Variants in RNF17 observed in about 807,000 individuals in gnomAD.
RNF17 encodes spermatogenesis associated 23.
A neutral mutation model predicts 200.5 loss-of-function variants in RNF17; 31 were observed. That is an observed-to-expected ratio of 0.15 (90% CI 0.12 to 0.21). The LOEUF is 0.21. Ranked by LOEUF, RNF17 falls within the 10% of genes least tolerant of loss-of-function variation. RNF17 has a pLI of 1.00. For synonymous variants in RNF17, 606 were observed against 637.8 expected (o/e 0.95, Z 0.75); for missense variants, 1,628 against 1,905.1 (o/e 0.85, Z 2.71).
At chr13:24,833,500 T>A (rs1333371435) in intron 18 of RNF17, among the ~76,000 whole-genome samples, 1 of 152,348 alleles carries the variant, frequency 6.6e-6, no homozygotes, top group Middle Eastern at 3.4e-3. Context: ...CCTGTATAAC[T>A]GTTTTCCAGC....
chr13:24,766,621 G>A (rs1457167634), intron 1 of RNF17, among the ~76,000 whole-genome samples: 1 of 152,176 alleles, frequency 6.6e-6, no homozygotes, highest in African/African-American at 2.4e-5. Flanking sequence ...GAAATATAAA[G>A]TAGTAGAGGG....
chr13:24,858,444 G>A (rs1260384871), intron 25 of RNF17, among the ~76,000 whole-genome samples: 1 of 152,066 alleles, frequency 6.6e-6, no homozygotes, highest in East Asian at 1.9e-4. Flanking sequence ...ACCCAGAATA[G>A]GTGGTGGTAT....
chr13:24,809,157 CA>C (rs1162059311), intron 15 of RNF17, among the ~76,000 whole-genome samples: 1 of 150,130 alleles, frequency 6.7e-6, no homozygotes, highest in East Asian at 2.0e-4. Flanking sequence ...ATGCTGGCCT[CA>C]TAAAATGAGT....
chr13:24,828,527 A>C (rs532557473), intron 16 of RNF17, among the ~76,000 whole-genome samples: 56 of 151,480 alleles, frequency 3.7e-4, no homozygotes, highest in Non-Finnish European at 7.1e-4. Flanking sequence ...TTCAGTTGAC[A>C]CTTCAGTTTT....
At chr13:24,800,732 A>T (rs907576153) in intron 13 of RNF17, among the ~76,000 whole-genome samples, 198 bp downstream of exon 13, 1 of 152,206 alleles carries the variant, frequency 6.6e-6, no homozygotes, top group Non-Finnish European at 1.5e-5. Flanking sequence ...TGGGAAATGG[A>T]GTTGAATAAG....
chr13:24,879,286 G>A lies in RNF17; in HGVS notation c.*1G>A, dbSNP rs1403590702. The A allele has an allele frequency of 1.9e-6, 3 of 1,585,918 alleles. No homozygotes were observed. Among genetic ancestry groups the A allele is most frequent in the East Asian group, 4.5e-5 (2 of 44,738 alleles). ...GGGGCTTGCAGATAAAGATGAATAAGTGCCTAAGTGTAAGTTCTCATTCTC... is the reference window on the plus strand; with the variant it reads ...GGGGCTTGCAGATAAAGATGAATAAATGCCTAAGTGTAAGTTCTCATTCTC... On this transcript the variant is annotated 3_prime_UTR_variant, in exon 35 of 36. Transcript: ENST00000255324.
rs942637439 is a variant in RNF17 at position 24,853,886 on chromosome 13, T to C, written c.3352T>C (p.Ser1118Pro). 4 of 1,611,806 alleles carry C rather than the reference T, an allele frequency of 2.5e-6. No individual in the cohort carries two copies. The highest frequency in any genetic ancestry group is 3.4e-6 in the Non-Finnish European group (4 of 1,179,026). ...TAACTTAGATAACAGCCATTCATTA[T>C]CTGAGAAGTCTCTGGAAGTCCCCCT... is the stretch of plus-strand genomic sequence containing the variant. The part of the protein sequence containing the change: ...INNLDNSHSL[S>P]EKSLEVPLEQ... The change falls in exon 25 of 36, where the codon TCT becomes CCT. Residue 1118 changes from serine to proline, a missense_variant. This residue lies in a region of RNF17 where 609 missense variants were observed against 681.9 expected (regional missense o/e 0.89). Coordinates refer to ENST00000255324, the MANE Select transcript of RNF17 (RefSeq NM_031277.3).
intron 15 of RNF17, 51 bp from the exon 16 acceptor site, chr13:24,825,568 T>TAA: frequency 1.6e-6 from 2 of 1,263,354 alleles, no homozygotes; most frequent in Non-Finnish European, 2.2e-6. Context: ...ATTCAACACT[T>TAA]ACATTTTAAG....
intron 20 of RNF17, among the ~76,000 whole-genome samples, chr13:24,844,183 A>G (rs1013983133): frequency 4.6e-5 from 7 of 152,172 alleles, no homozygotes; most frequent in African/African-American, 1.7e-4. Context: ...CCTATTGAGC[A>G]CCTACTATAT....
intron 15 of RNF17, among the ~76,000 whole-genome samples, chr13:24,807,219 G>A (rs964462554): frequency 2.0e-5 from 3 of 152,018 alleles, no homozygotes; most frequent in Non-Finnish European, 4.4e-5. Context: ...CTGAGGAATC[G>A]CCACACTGAC....
At chr13:24,870,237 G>A (rs943031508) in intron 31 of RNF17, among the ~76,000 whole-genome samples, 10 of 152,032 alleles carry the variant, frequency 6.6e-5, no homozygotes, top group African/African-American at 1.9e-4. Flanking sequence ...GTGAGCCACC[G>A]CGCCCGGCCT....
rs764374491 is a variant in RNF17 at position 24,854,151 on chromosome 13, CCTT to C, written c.3610+10_3610+12del. ...GTAGTACCTAAACTATCAGGTGAGA[CCTT>C]CTATGTTATGTAGGCTCTAGTTCTC... On this transcript the variant is annotated splice_region_variant and intron_variant, in intron 25 of 35. Coordinates refer to ENST00000255324, the MANE Select transcript of RNF17 (RefSeq NM_031277.3). The C allele has an allele frequency of 1.7e-5, 27 of 1,599,530 alleles. No individual in the cohort carries two copies. The highest frequency in any genetic ancestry group is 2.1e-5 in the Non-Finnish European group (24 of 1,170,416).
In RNF17 at chr13:24,862,754, A is replaced by C. The variant is rs1231213180; in HGVS notation, c.3936A>C (p.Gln1312His). 2 of 1,609,620 alleles carry C rather than the reference A, an allele frequency of 1.2e-6. No homozygotes were observed. Among genetic ancestry groups the C allele is most frequent in the South Asian group, 1.1e-5 (1 of 90,938 alleles). The change falls in exon 28 of 36, where the codon CAA becomes CAC. Residue 1312 changes from glutamine to histidine, a missense_variant. Coordinates refer to ENST00000255324, the MANE Select transcript of RNF17 (RefSeq NM_031277.3). ...AACCAGATGCAATAGAAGTTCTTCA[A>C]CAACTGCTTTCAAAGAGACAGGTGG... is the stretch of plus-strand genomic sequence containing the variant. ...VWQPDAIEVL[Q>H]QLLSKRQVDI...
intron 1 of RNF17, 56 bp from the exon 2 acceptor site, chr13:24,767,216 C>T: frequency 8.0e-7 from 1 of 1,251,006 alleles, no homozygotes; most frequent in Admixed American, 1.7e-5. Flanking sequence ...AGAGCAAGAC[C>T]CTGTCTCAAT....
At chr13:24,818,360 A>G (rs1309489268) in intron 15 of RNF17, among the ~76,000 whole-genome samples, 1 of 152,134 alleles carries the variant, frequency 6.6e-6, no homozygotes, top group African/African-American at 2.4e-5. Context: ...ATATTTTACT[A>G]TTGGCTAGAG....
At chr13:24,845,807 G>A (rs1891199528) in intron 22 of RNF17, among the ~76,000 whole-genome samples, 1 of 152,174 alleles carries the variant, frequency 6.6e-6, no homozygotes, top group South Asian at 2.1e-4. Flanking sequence ...GTTTTTAGCC[G>A]TATAACCTCT....
At chr13:24,883,335 G>C, downstream of RNF17, 2 of 1,613,192 alleles carry the variant, frequency 1.2e-6, no homozygotes, top group South Asian at 2.2e-5. Flanking sequence ...AGTTCTCTTT[G>C]GCCATTATTA....
At chr13:24,863,645 A>C (rs1008799027) in intron 28 of RNF17, among the ~76,000 whole-genome samples, 3 of 152,210 alleles carry the variant, frequency 2.0e-5, no homozygotes, top group African/African-American at 7.2e-5. Flanking sequence ...TTACATAAGA[A>C]AGTGGCTTTT....
chr13:24,768,675 G>A (rs1344438027), intron 2 of RNF17, among the ~76,000 whole-genome samples: 5 of 151,776 alleles, frequency 3.3e-5, no homozygotes, highest in Non-Finnish European at 7.4e-5. Context: ...ACCCTATGGA[G>A]GCATGAGATC....
Sources: gnomAD v4.1 joint callset for allele counts (sites outside exome capture counted in the v4.1 genomes callset) on GRCh38, gnomAD v4.1.1 for gene constraint, gnomAD v4.1.1 regional missense constraint, MANE v1.5 for transcripts, NCBI Gene and HGNC (gene_info 2026-07-23, HGNC 2026-07-21) for gene names.